TRIR: variants seen among roughly 807,000 people sequenced by gnomAD.
TRIR encodes telomerase RNA component-interacting RNase.
Under a neutral mutation model 18.2 loss-of-function variants are expected in TRIR, and 5 were observed. The ratio of observed to expected loss-of-function variants is 0.27; its 90% CI spans 0.14 to 0.58. The LOEUF is 0.58. Ranked by LOEUF, TRIR falls within the 20% of genes least tolerant of loss-of-function variation. The probability of loss-of-function intolerance (pLI) is 0.91; values close to 1 mark genes in which losing one functional copy is unlikely to be tolerated. For synonymous variants in TRIR, 134 were observed against 114.4 expected (o/e 1.17, Z -1.10); for missense variants, 206 against 252.8 (o/e 0.81, Z 1.25).
In TRIR at chr19:12,734,339, C is replaced by T. The variant is rs1599442731; in HGVS notation, c.319G>A (p.Gly107Ser). Reference sequence around the variant, plus strand: ...AAGCTAAGTGTGGAGCCCGGACCGCCCTTCCTCTTCGGATCCCCGGGGCCA... The same window carrying T: ...AAGCTAAGTGTGGAGCCCGGACCGCTCTTCCTCTTCGGATCCCCGGGGCCA... ...AAGPGDPKRK[G>S]GPGSTLSFVG... The change falls in exon 1 of 3, where the codon GGC (glycine) becomes AGC (serine). Residue 107 changes from glycine (G) to serine (S), a missense_variant. Gly to Ser is a moderately conservative substitution (Grantham distance 56). Around this residue, in one of 2 missense-constraint regions of TRIR, gnomAD observed 172 missense variants for 165.0 expected, o/e 1.04. Coordinates refer to ENST00000242784, the MANE Select transcript of TRIR (RefSeq NM_024038.4). This position sits in a 1 kb window ranked among gnomAD's most constrained non-coding sequence, Gnocchi z 4.1. 18 of 1,450,206 alleles carry T rather than the reference C, an allele frequency of 1.2e-5. No individual in the cohort carries two copies. Among genetic ancestry groups the T allele is most frequent in the Non-Finnish European group, 1.5e-5 (16 of 1,100,736 alleles). The allele number at this position is 1,450,206 out of a possible 1,614,324, so 89.8% of individuals were successfully genotyped here. A position where few individuals can be genotyped will look rare whatever the true frequency, so the allele number is the denominator to read the frequency against.
Position 12,734,638 on chromosome 19 carries a change from C to G in TRIR, c.20G>C (p.Arg7Pro). The G allele has an allele frequency of 1.3e-6, 2 of 1,510,658 alleles. No individual in the cohort carries two copies. The highest frequency in any genetic ancestry group is 8.8e-7 in the Non-Finnish European group (1 of 1,136,772). 93.6% of individuals were successfully genotyped at this position (1,510,658 alleles called of 1,614,324 possible). Residue 7 changes from arginine to proline, a missense_variant, in exon 1 of 3, where the codon CGG becomes CCG. This residue lies in a region of TRIR where 172 missense variants were observed against 165.0 expected (regional missense o/e 1.04). Transcript: ENST00000242784. This position sits in a 1 kb window ranked among gnomAD's most constrained non-coding sequence, Gnocchi z 4.1. ...AGCCTCCCGGCCCTGAGGCTCCGCC[C>G]GTCTCCCTCGGGCAGCCATTTTGTC... is the stretch of plus-strand genomic sequence containing the variant. MAARGR[R>P]AEPQGREAPG... is the part of the protein sequence containing the mutation.
rs1599439602 is a variant in TRIR at position 12,730,885 on chromosome 19, G to A, written c.*76C>T. On this transcript the variant is annotated 3_prime_UTR_variant, in exon 3 of 3. Transcript: ENST00000242784. ...CTTTTAAGTCCTCTCAGGGAAGGCT[G>A]TCGCCGCTGCCGCTGCATTAAATAG... The A allele has an allele frequency of 7.3e-7, 1 of 1,366,448 alleles. No homozygotes were observed. Among genetic ancestry groups the A allele is most frequent in the Non-Finnish European group, 1.0e-6 (1 of 958,278 alleles). The allele number at this position is 1,366,448 out of a possible 1,614,324, so 84.6% of individuals were successfully genotyped here. A position where few individuals can be genotyped will look rare whatever the true frequency, so the allele number is the denominator to read the frequency against.
Position 12,731,240 on chromosome 19 carries a change from C to T in TRIR, c.423+104G>A. On this transcript the variant is annotated intron_variant, in intron 2 of 2. Transcript: ENST00000242784. This position sits in a 1 kb window ranked among gnomAD's most constrained non-coding sequence, Gnocchi z 5.1. ...GACAGCCCTCCTACCCTGCCAGGCA[C>T]ACTCATAAAAGGCCTGGATACCAGA... 7.0e-7 allele frequency: 1 copy of T among 1,421,622 alleles called. No individual in the cohort carries two copies. Among genetic ancestry groups the T allele is most frequent in the Non-Finnish European group, 9.9e-7 (1 of 1,009,862 alleles). The allele number at this position is 1,421,622 out of a possible 1,614,324, so 88.1% of individuals were successfully genotyped here. A position where few individuals can be genotyped will look rare whatever the true frequency, so the allele number is the denominator to read the frequency against.
chr19:12,733,781 A>G (rs1024384297), intron 1 of TRIR, among the ~76,000 whole-genome samples: 4 of 152,228 alleles, frequency 2.6e-5, no homozygotes, highest in Non-Finnish European at 4.4e-5. Flanking sequence ...CCAGGAAAGC[A>G]GCGATCTTGT....
At chr19:12,733,190 T>C (rs1017415345) in intron 1 of TRIR, among the ~76,000 whole-genome samples, 1 of 152,128 alleles carries the variant, frequency 6.6e-6, no homozygotes, top group Non-Finnish European at 1.5e-5. Context: ...ATTACAGGTG[T>C]GAGCCACTGC....
At position 12,734,289 on chromosome 19, in the gene TRIR, G is replaced by A; in HGVS notation, c.345+24C>T. 1 of 1,377,928 alleles carries A rather than the reference G, an allele frequency of 7.3e-7. No individual in the cohort carries two copies. The highest frequency in any genetic ancestry group is 9.4e-7 in the Non-Finnish European group (1 of 1,066,172). The allele number at this position is 1,377,928 out of a possible 1,614,324, so 85.4% of individuals were successfully genotyped here. A position where few individuals can be genotyped will look rare whatever the true frequency, so the allele number is the denominator to read the frequency against. On this transcript the variant is annotated intron_variant, in intron 1 of 2. Transcript: ENST00000242784. This position sits in a 1 kb window ranked among gnomAD's most constrained non-coding sequence, Gnocchi z 4.1. ...GCTGCCAAGACAGGCCGTGGCGCCCGCCCCCACCCCCACGGCTCCTTACGA... is the reference window on the plus strand; with the variant it reads ...GCTGCCAAGACAGGCCGTGGCGCCCACCCCCACCCCCACGGCTCCTTACGA...
Position 12,730,915 on chromosome 19 carries a change from G to A in TRIR, c.*46C>T, listed in dbSNP as rs760073690. 3.0e-5 allele frequency: 46 copies of A among 1,528,234 alleles called. No individual in the cohort carries two copies. The East Asian group carries it at 1.0e-3, about 34-fold the overall frequency. 94.7% of individuals were successfully genotyped at this position (1,528,234 alleles called of 1,614,324 possible). ...CGCTGCCGCTGCATTAAATAGTTATGTACATCGCAGAGAGTCCCAGGCCAT... is the reference window on the plus strand; with the variant it reads ...CGCTGCCGCTGCATTAAATAGTTATATACATCGCAGAGAGTCCCAGGCCAT... On this transcript the variant is annotated 3_prime_UTR_variant, in exon 3 of 3. Coordinates refer to ENST00000242784, the MANE Select transcript of TRIR (RefSeq NM_024038.4).
At position 12,731,530 on chromosome 19, in the gene TRIR, C is replaced by T. The variant is rs777103199; in HGVS notation, c.346-109G>A. 232 of 1,194,338 alleles carry T rather than the reference C, an allele frequency of 1.9e-4. No individual in the cohort carries two copies. The highest frequency in any genetic ancestry group is 2.4e-4 in the Non-Finnish European group (203 of 858,600). 74.0% of individuals were successfully genotyped at this position (1,194,338 alleles called of 1,614,324 possible). A position where few individuals can be genotyped will look rare whatever the true frequency, so the allele number is the denominator to read the frequency against. ...CCCGGCCTGGTGGCCCGTCCTGACG[C>T]CGCGCCCAGCTCCGCCAGCCGGCCG... is the stretch of plus-strand genomic sequence containing the variant. On this transcript the variant is annotated intron_variant, in intron 1 of 2. Transcript: ENST00000242784. The surrounding 1 kb of genome is among the most constrained non-coding windows in gnomAD (Gnocchi z 5.1).
intron 1 of TRIR, among the ~76,000 whole-genome samples, chr19:12,732,166 C>G (rs1195870756): frequency 6.6e-6 from 1 of 151,802 alleles, no homozygotes; most frequent in African/African-American, 2.4e-5. Context: ...AGAACCACCC[C>G]CTTTTCATAG....
rs760073690 is a variant in TRIR, at chr19:12,730,915, G to C, written c.*46C>G. The C allele has an allele frequency of 6.5e-7, 1 of 1,528,234 alleles. No individual in the cohort carries two copies. Among genetic ancestry groups the C allele is most frequent in the Non-Finnish European group, 9.1e-7 (1 of 1,102,172 alleles). 94.7% of individuals were successfully genotyped at this position (1,528,234 alleles called of 1,614,324 possible). A position where few individuals can be genotyped will look rare whatever the true frequency, so the allele number is the denominator to read the frequency against. On this transcript the variant is annotated 3_prime_UTR_variant, in exon 3 of 3. Transcript: ENST00000242784. The stretch of plus-strand genomic sequence containing the variant: ...CGCTGCCGCTGCATTAAATAGTTAT[G>C]TACATCGCAGAGAGTCCCAGGCCAT...
At position 12,731,107 on chromosome 19, in the gene TRIR, G is replaced by C. The variant is rs769071271; in HGVS notation, c.424-39C>G. The C allele has an allele frequency of 3.9e-6, 6 of 1,554,650 alleles. No individual in the cohort carries two copies. In the Admixed American group the frequency reaches 1.0e-4, roughly 26 times the overall value. On this transcript the variant is annotated intron_variant, in intron 2 of 2. Transcript: ENST00000242784. The surrounding 1 kb of genome is among the most constrained non-coding windows in gnomAD (Gnocchi z 5.1). The stretch of plus-strand genomic sequence containing the variant: ...ATACGGGTTAGGACGGGGGTGCCAG[G>C]AACCAGGGTCAGGACTGCCCTGAGA...
Position 12,734,266 on chromosome 19 carries a change from T to C in TRIR, c.345+47A>G. ...CCCCTTCACGGGCCCCGACTCCCGC[T>C]GCCAAGACAGGCCGTGGCGCCCGCC... On this transcript the variant is annotated intron_variant, in intron 1 of 2. Coordinates refer to ENST00000242784, the MANE Select transcript of TRIR (RefSeq NM_024038.4). This position sits in a 1 kb window ranked among gnomAD's most constrained non-coding sequence, Gnocchi z 4.1. 7.3e-7 allele frequency: 1 copy of C among 1,375,384 alleles called. No homozygotes were observed. Among genetic ancestry groups the C allele is most frequent in the Admixed American group, 3.7e-5 (1 of 26,764 alleles). The allele number at this position is 1,375,384 out of a possible 1,614,324, so 85.2% of individuals were successfully genotyped here. A position where few individuals can be genotyped will look rare whatever the true frequency, so the allele number is the denominator to read the frequency against.
chr19:12,732,419 C>T (rs1326900762), intron 1 of TRIR, among the ~76,000 whole-genome samples: 1 of 152,150 alleles, frequency 6.6e-6, no homozygotes, highest in East Asian at 1.9e-4. Flanking sequence ...AGGTATCACA[C>T]CAACCCTGGT....
In TRIR at chr19:12,734,496, G is replaced by T. The variant is rs1967496936; in HGVS notation, c.162C>A (p.Gly54=). 6.5e-7 allele frequency: 1 copy of T among 1,535,480 alleles called. No homozygotes were observed. Among genetic ancestry groups the T allele is most frequent in the Non-Finnish European group, 8.7e-7 (1 of 1,143,320 alleles). ...VSGAGSSPVS[G]GVNLFANDGS... ...CGTCGTTGGCGAACAAGTTCACGCC[G>T]CCCGACACCGGGCTCGAACCCGCGC... is the stretch of plus-strand genomic sequence containing the variant. The change falls in exon 1 of 3, where the codon GGC becomes GGA. Residue 54 remains glycine, a synonymous_variant. Transcript: ENST00000242784. This position sits in a 1 kb window ranked among gnomAD's most constrained non-coding sequence, Gnocchi z 4.1.
intron 1 of TRIR, among the ~76,000 whole-genome samples, chr19:12,732,532 G>C (rs1313913299): frequency 6.6e-6 from 1 of 152,044 alleles, no homozygotes; most frequent in East Asian, 1.9e-4. Flanking sequence ...CTGCGCTCCA[G>C]GGGCTCCAAC....
Position 12,734,547 on chromosome 19 carries a change from G to C in TRIR, c.111C>G (p.Pro37=), listed in dbSNP as rs1250762093. The change falls in exon 1 of 3, where the codon CCC becomes CCG. Residue 37 remains proline (P), a synonymous_variant. Transcript: ENST00000242784. The surrounding 1 kb of genome is among the most constrained non-coding windows in gnomAD (Gnocchi z 4.1). The part of the protein sequence containing the change: ...RWAESGSGTS[P]ESGDEEVSGA... ...CCGACACCTCCTCGTCCCCGCTCTC[G>C]GGCGACGTCCCCGATCCCGACTCAG... 4 of 1,532,542 alleles carry C rather than the reference G, an allele frequency of 2.6e-6. No individual in the cohort carries two copies. The highest frequency in any genetic ancestry group is 1.2e-5 in the South Asian group (1 of 82,834). The allele number at this position is 1,532,542 out of a possible 1,614,324, so 94.9% of individuals were successfully genotyped here.
Position 12,731,171 on chromosome 19 carries a change from G to A in TRIR, c.424-103C>T. ...CCCAGTGTCACCCAGAAGACTCTGG[G>A]TTTGAGCTGAAGATTATAAAGTCAA... On this transcript the variant is annotated intron_variant, in intron 2 of 2. Transcript: ENST00000242784. This position sits in a 1 kb window ranked among gnomAD's most constrained non-coding sequence, Gnocchi z 5.1. 7.7e-7 allele frequency: 1 copy of A among 1,291,916 alleles called. No homozygotes were observed. The highest frequency in any genetic ancestry group is 1.1e-6 in the Non-Finnish European group (1 of 890,824). 80.0% of individuals were successfully genotyped at this position (1,291,916 alleles called of 1,614,324 possible). A position where few individuals can be genotyped will look rare whatever the true frequency, so the allele number is the denominator to read the frequency against.
At chr19:12,733,444 T>G (rs1414611527) in intron 1 of TRIR, among the ~76,000 whole-genome samples, 2 of 152,216 alleles carry the variant, frequency 1.3e-5, no homozygotes, top group East Asian at 3.8e-4. Context: ...AATAACATTT[T>G]GAGCTGGATT....
intron 1 of TRIR, among the ~76,000 whole-genome samples, chr19:12,732,611 T>G (rs1967454198): frequency 6.6e-6 from 1 of 151,800 alleles, no homozygotes; most frequent in South Asian, 2.1e-4. Flanking sequence ...TTTTTTTTTT[T>G]GGAGACAGAG....
Sources: allele counts gnomAD v4.1 joint callset (sites outside exome capture counted in the v4.1 genomes callset), GRCh38; gene constraint gnomAD v4.1.1; regional missense constraint gnomAD v4.1.1; non-coding constraint Gnocchi (gnomAD v3.1); transcripts MANE v1.5; gene names NCBI Gene and HGNC (gene_info 2026-07-23, HGNC 2026-07-21).